Variants in PDGFC observed in about 807,000 individuals in gnomAD.
PDGFC encodes platelet-derived growth factor C.
A neutral mutation model predicts 35.5 loss-of-function variants in PDGFC; 12 were observed. The ratio of observed to expected loss-of-function variants is 0.34; its 90% confidence interval spans 0.22 to 0.55. The LOEUF (loss-of-function observed/expected upper bound fraction) is 0.55. PDGFC is among the 20% of genes least tolerant of loss of function. The pLI, the probability that PDGFC is intolerant of heterozygous loss-of-function variation, is 0.91. For synonymous variants in PDGFC, 159 were observed against 148.8 expected (o/e 1.07, Z -0.50); for missense variants, 322 against 412.4 (o/e 0.78, Z 1.90).
At chr4:156,817,395 C>T (rs536979762) in intron 2 of PDGFC, among the ~76,000 whole-genome samples, 2 of 152,038 alleles carry the variant, frequency 1.3e-5, no homozygotes, top group Non-Finnish European at 2.9e-5. Flanking sequence ...ACAAGTAAGA[C>T]TATATTTTAA....
chr4:156,789,995 A>G (rs995529185), intron 3 of PDGFC, among the ~76,000 whole-genome samples: 6 of 146,430 alleles, frequency 4.1e-5, no homozygotes, highest in South Asian at 2.1e-4. Context: ...AAAAAAAAAA[A>G]AAAGAAAGAA....
At position 156,970,801 on chromosome 4, in the gene PDGFC, T is replaced by G; in HGVS notation, c.103A>C (p.Asn35His). ...AAAGACTCACCGTTCTGTTCCTTGT[T>G]GCTGGAAAACTGGAATTTACTACTC... ...NLSSKFQFSSNKEQNGVQDPQ... is the reference protein window; with the variant it reads ...NLSSKFQFSSHKEQNGVQDPQ... Residue 35 changes from asparagine to histidine, a missense_variant, in exon 1 of 6, where the codon AAC becomes CAC. Coordinates refer to ENST00000502773, the MANE Select transcript of PDGFC (RefSeq NM_016205.3). 6.2e-7 allele frequency: 1 copy of G among 1,606,920 alleles called. No individual in the cohort carries two copies. The highest frequency in any genetic ancestry group is 8.5e-7 in the Non-Finnish European group (1 of 1,173,386).
chr4:156,963,569 A>C (rs1011107409), intron 1 of PDGFC, among the ~76,000 whole-genome samples: 1 of 152,130 alleles, frequency 6.6e-6, no homozygotes, highest in Non-Finnish European at 1.5e-5. Context: ...GAATAGCAAG[A>C]GAGCAAATTT....
intron 1 of PDGFC, among the ~76,000 whole-genome samples, chr4:156,866,131 A>G (rs976202565): frequency 2.0e-5 from 3 of 152,034 alleles, no homozygotes; most frequent in Admixed American, 6.6e-5. Context: ...GACAGTCCCC[A>G]GTGTGTGATG....
At chr4:156,779,635 G>GA (rs1730925387) in intron 3 of PDGFC, among the ~76,000 whole-genome samples, 1 of 152,044 alleles carries the variant, frequency 6.6e-6, no homozygotes, top group Non-Finnish European at 1.5e-5. Context: ...ATGGATATAT[G>GA]AAAAAAGAGA....
intron 2 of PDGFC, among the ~76,000 whole-genome samples, chr4:156,827,595 G>A (rs1248737586): frequency 6.6e-6 from 1 of 151,972 alleles, no homozygotes; most frequent in Non-Finnish European, 1.5e-5. Flanking sequence ...CAATGGTCCT[G>A]TGGACCATTT....
At chr4:156,895,743 A>G (rs1291199089) in intron 1 of PDGFC, among the ~76,000 whole-genome samples, 2 of 152,140 alleles carry the variant, frequency 1.3e-5, no homozygotes, top group Non-Finnish European at 2.9e-5. Flanking sequence ...CCTGTATATA[A>G]CATATATATA....
intron 1 of PDGFC, among the ~76,000 whole-genome samples, chr4:156,857,582 G>C (rs1729612580): frequency 1.3e-5 from 2 of 152,196 alleles, no homozygotes; most frequent in Middle Eastern, 3.4e-3. Context: ...TGTTCAGGAA[G>C]TACACAACAA....
intron 1 of PDGFC, among the ~76,000 whole-genome samples, chr4:156,926,222 C>T (rs1731409871): frequency 6.6e-6 from 1 of 152,028 alleles, no homozygotes; most frequent in Admixed American, 6.6e-5. Context: ...CTGCATTACA[C>T]TGGAAACTGT....
Position 156,815,551 on chromosome 4 carries a change from C to T in PDGFC, c.315-4534G>A, listed in dbSNP as rs1255345355. Among the ~76,000 whole-genome samples the T allele has an allele frequency of 2.6e-5, 4 of 152,060 alleles. No individual in the cohort carries two copies. The East Asian group carries it at 7.7e-4, about 29-fold the overall frequency. ...GCAAAGGTTGGTTGGCTGATATATG[C>T]TAACATAGCCCAAACATCAAGAAGA... On this transcript the variant is annotated intron_variant, in intron 2 of 5. Transcript: ENST00000502773.
chr4:156,860,872 T>A (rs968923747), intron 1 of PDGFC, among the ~76,000 whole-genome samples: 1 of 152,096 alleles, frequency 6.6e-6, no homozygotes, highest in Non-Finnish European at 1.5e-5. Flanking sequence ...TTTCAAGATT[T>A]TTGAGGGAAA....
rs80039675 is a variant in PDGFC, at chr4:156,798,623, A to T, written c.495+12214T>A. Among the ~76,000 whole-genome samples the T allele has an allele frequency of 1.3e-3, 204 of 152,282 alleles. 3 individuals are homozygous for T. The East Asian group carries it at 0.017, about 13-fold the overall frequency. On this transcript the variant is annotated intron_variant, in intron 3 of 5. Coordinates refer to ENST00000502773, the MANE Select transcript of PDGFC (RefSeq NM_016205.3). The stretch of plus-strand genomic sequence containing the variant: ...TCATATTCCAAAAAGAAAGGAAAAT[A>T]TTGGTGTCAGAAAGCTTGAGATGGC...
At chr4:156,916,532 C>T (rs990232043) in intron 1 of PDGFC, among the ~76,000 whole-genome samples, 1 of 152,144 alleles carries the variant, frequency 6.6e-6, no homozygotes, top group African/African-American at 2.4e-5. Context: ...TATAGAAAAC[C>T]CCCACTCCAA....
intron 1 of PDGFC, among the ~76,000 whole-genome samples, chr4:156,957,208 A>T (rs1332103198): frequency 6.6e-6 from 1 of 151,968 alleles, no homozygotes; most frequent in Non-Finnish European, 1.5e-5. Flanking sequence ...CTACACATTT[A>T]ATCTTTTCCT....
Position 156,838,134 on chromosome 4 carries a change from C to T in PDGFC, c.314+12087G>A, listed in dbSNP as rs185852534. Among the ~76,000 whole-genome samples the T allele has an allele frequency of 2.2e-4, 33 of 152,278 alleles. No individual in the cohort carries two copies. The East Asian group carries it at 3.5e-3, about 16-fold the overall frequency. ...ACTTTATTCTGTGTCCAGAAGTGCG[C>T]GTAGTAAAAACAGTAACTAAATTTG... On this transcript the variant is annotated intron_variant, in intron 2 of 5. Coordinates refer to ENST00000502773, the MANE Select transcript of PDGFC (RefSeq NM_016205.3).
intron 1 of PDGFC, among the ~76,000 whole-genome samples, chr4:156,871,290 C>A (rs1179560040): frequency 6.6e-6 from 1 of 151,804 alleles, no homozygotes; most frequent in African/African-American, 2.4e-5. Context: ...GATAAACAGG[C>A]CTAAAAGGGA....
At chr4:156,775,421 A>G (rs533325588) in intron 3 of PDGFC, among the ~76,000 whole-genome samples, 2 of 152,346 alleles carry the variant, frequency 1.3e-5, no homozygotes, top group East Asian at 3.9e-4. Flanking sequence ...TAATACAAAA[A>G]GTATACATTA....
intron 1 of PDGFC, among the ~76,000 whole-genome samples, chr4:156,957,457 A>T (rs189939504): frequency 6.6e-5 from 10 of 151,806 alleles, no homozygotes; most frequent in African/African-American, 2.2e-4. Flanking sequence ...GTATTTTATC[A>T]TCTGGGCCAA....
At chr4:156,940,475 C>T (rs1467475168) in intron 1 of PDGFC, among the ~76,000 whole-genome samples, 2 of 152,052 alleles carry the variant, frequency 1.3e-5, no homozygotes, top group Non-Finnish European at 2.9e-5. Flanking sequence ...AAGTCCCTGA[C>T]ATTTCTGGAG....
Sources: gnomAD v4.1 joint callset for allele counts (sites outside exome capture counted in the v4.1 genomes callset) on GRCh38, gnomAD v4.1.1 for gene constraint, MANE v1.5 for transcripts, NCBI Gene and HGNC (gene_info 2026-07-23, HGNC 2026-07-21) for gene names.